CCDC3: variants seen among roughly 807,000 people sequenced by gnomAD.
The protein encoded by CCDC3 is coiled-coil domain-containing protein 3.
In CCDC3, 24 loss-of-function variants were observed where a neutral mutation model predicts 21.4. The observed-to-expected ratio is 1.12, with a 90% CI of 0.81 to 1.58. CCDC3 has a LOEUF of 1.58. Ranked by LOEUF, CCDC3 falls within the 40% of genes most tolerant of loss-of-function variation. The pLI is 0.00. For synonymous variants in CCDC3, 186 were observed against 166.0 expected, an observed-to-expected ratio of 1.12 and a Z score of -0.93; for missense variants, 425 against 360.9, an observed-to-expected ratio of 1.18 and a Z score of -1.44.
At chr10:13,013,412 G>A (rs998978765) in intron 5 of CCDC3, among the ~76,000 whole-genome samples, 1 of 152,154 alleles carries the variant, frequency 6.6e-6, no homozygotes, top group Non-Finnish European at 1.5e-5. Context: ...CCAGTGATGT[G>A]TTTAAATTAA....
In CCDC3 at chr10:12,996,485, ACCACTCTGC is replaced by A. The variant is rs367635554; in HGVS notation, c.549+1844_549+1852del. Reference sequence around the variant, plus strand: ...CGAGTAGCTGGAATTAGAAGCACGCACCACTCTGCCCAGCTAATTTTTGTATTTTTAGTA... The same window carrying A: ...CGAGTAGCTGGAATTAGAAGCACGCACCAGCTAATTTTTGTATTTTTAGTA... On this transcript the variant is annotated intron_variant, in intron 2 of 2. Transcript: ENST00000378825. 2.9e-3 allele frequency among the ~76,000 whole-genome samples: 446 copies of A among 152,214 alleles called. 1 individual carries two copies. The highest frequency in any genetic ancestry group is 6.8e-3 in the Middle Eastern group (2 of 294).
At chr10:13,000,868 T>C (rs1411695860) in intron 1 of CCDC3, among the ~76,000 whole-genome samples, 1 of 152,164 alleles carries the variant, frequency 6.6e-6, no homozygotes, top group African/African-American at 2.4e-5. Flanking sequence ...ACCGTCCCAA[T>C]CTACTCCCAC....
At chr10:12,915,391 T>C (rs1219003235) in intron 2 of CCDC3, among the ~76,000 whole-genome samples, 1 of 152,226 alleles carries the variant, frequency 6.6e-6, no homozygotes, top group Non-Finnish European at 1.5e-5. Flanking sequence ...ATTGGTTCAA[T>C]TGTTTTTCTG....
chr10:13,072,302 C>G (rs1318191340), intron 4 of CCDC3, among the ~76,000 whole-genome samples: 1 of 152,150 alleles, frequency 6.6e-6, no homozygotes, highest in Non-Finnish European at 1.5e-5. Context: ...CTGCTGTTTT[C>G]CCCAAAACAG....
chr10:13,050,609 C>T (rs1245539334), intron 4 of CCDC3, among the ~76,000 whole-genome samples: 3 of 151,784 alleles, frequency 2.0e-5, no homozygotes, highest in Admixed American at 1.3e-4. Flanking sequence ...TAGAGGAACA[C>T]GCCACCATGC....
chr10:12,922,141 A>G (rs1834460822), intron 2 of CCDC3, among the ~76,000 whole-genome samples: 1 of 152,040 alleles, frequency 6.6e-6, no homozygotes, highest in Non-Finnish European at 1.5e-5. Flanking sequence ...CATTCCTCTT[A>G]TCATCTGTTC....
At chr10:12,964,465 T>C (rs1281011764) in intron 2 of CCDC3, among the ~76,000 whole-genome samples, 2 of 152,226 alleles carry the variant, frequency 1.3e-5, no homozygotes, top group Non-Finnish European at 2.9e-5. Flanking sequence ...TTGTTGGGTC[T>C]GTAGTTTATG....
chr10:12,992,239 A>C (rs1158994439), intron 2 of CCDC3, among the ~76,000 whole-genome samples: 4 of 152,080 alleles, frequency 2.6e-5, no homozygotes, highest in Middle Eastern at 6.8e-3. Flanking sequence ...AAAATACAAA[A>C]ATCAGCTGGC....
At chr10:13,045,019 G>C (rs1050823950) in intron 5 of CCDC3, among the ~76,000 whole-genome samples, 3 of 152,144 alleles carry the variant, frequency 2.0e-5, no homozygotes, top group African/African-American at 7.2e-5. Flanking sequence ...AAATGCCATA[G>C]CAATTTCATA....
intron 2 of CCDC3, among the ~76,000 whole-genome samples, chr10:12,945,134 C>A (rs572756180): frequency 6.6e-6 from 1 of 152,280 alleles, no homozygotes; most frequent in African/African-American, 2.4e-5. Context: ...GCACATGCTT[C>A]TAGAAATTAT....
chr10:13,012,314 C>T (rs951130624), intron 5 of CCDC3, among the ~76,000 whole-genome samples: 2 of 152,094 alleles, frequency 1.3e-5, no homozygotes, highest in Admixed American at 6.6e-5. Context: ...GTCTAATATC[C>T]AGAATCTACA....
chr10:13,093,883 T>G (rs1832603710), intron 3 of CCDC3, among the ~76,000 whole-genome samples: 1 of 152,198 alleles, frequency 6.6e-6, no homozygotes, highest in African/African-American at 2.4e-5. Context: ...CAGGCCATTT[T>G]TCACTCCTCA....
At chr10:12,909,473 G>A (rs1834231018) in intron 2 of CCDC3, among the ~76,000 whole-genome samples, 1 of 152,200 alleles carries the variant, frequency 6.6e-6, no homozygotes, top group Admixed American at 6.5e-5. Context: ...GCCAACCCGG[G>A]CTGAGTGAGG....
intron 2 of CCDC3, among the ~76,000 whole-genome samples, chr10:12,941,120 C>T (rs1834823369): frequency 6.6e-6 from 1 of 152,186 alleles, no homozygotes; most frequent in Non-Finnish European, 1.5e-5. Context: ...AAAGACTTTG[C>T]TGATAAAACA....
rs367776358 is a variant in CCDC3 at position 12,898,521 on chromosome 10, G to T, written c.708C>A (p.Arg236=). 12 of 1,614,180 alleles carry T rather than the reference G, an allele frequency of 7.4e-6. No individual in the cohort carries two copies. Among genetic ancestry groups the T allele is most frequent in the African/African-American group, 1.3e-5 (1 of 75,062 alleles). Residue 236 remains arginine (R), a synonymous_variant, in exon 3 of 3, where the codon CGC becomes CGA. Transcript: ENST00000378825. ...GTTTCTGGTTCGCCAGCTCCAGGTG[G>T]CGGCCCTTCTTACGCGCCTGCCGCA... The part of the protein sequence containing the change: ...RSLRQARKKG[R]HLELANQKLS...
intron 3 of CCDC3, among the ~76,000 whole-genome samples, chr10:13,080,744 A>G (rs1238721494): frequency 1.3e-5 from 2 of 152,258 alleles, no homozygotes; most frequent in Non-Finnish European, 2.9e-5. Flanking sequence ...AGGCCAGGGT[A>G]CAAGCCAGCA....
At chr10:12,928,288 G>A (rs1466832178) in intron 2 of CCDC3, among the ~76,000 whole-genome samples, 2 of 152,096 alleles carry the variant, frequency 1.3e-5, no homozygotes, top group Non-Finnish European at 2.9e-5. Context: ...AGTATCTTGG[G>A]AAGAAAAGGT....
At chr10:13,022,610 T>G (rs910735162) in intron 5 of CCDC3, among the ~76,000 whole-genome samples, 1 of 152,206 alleles carries the variant, frequency 6.6e-6, no homozygotes, top group Non-Finnish European at 1.5e-5. Context: ...TGCAATTTCT[T>G]TTGCCCCAAC....
chr10:12,969,982 G>A (rs1311312625), intron 2 of CCDC3, among the ~76,000 whole-genome samples: 1 of 152,134 alleles, frequency 6.6e-6, no homozygotes, highest in Non-Finnish European at 1.5e-5. Flanking sequence ...ATTTAATGAA[G>A]CCATTTTAAT....
Sources: gnomAD v4.1 joint callset for allele counts (sites outside exome capture counted in the v4.1 genomes callset) on GRCh38, gnomAD v4.1.1 for gene constraint, MANE v1.5 for transcripts, NCBI Gene and HGNC (gene_info 2026-07-23, HGNC 2026-07-21) for gene names.